TEDC1: variants seen among roughly 807,000 people sequenced by gnomAD.
TEDC1 encodes the protein tubulin epsilon and delta complex protein 1.
Under a neutral mutation model 59.9 loss-of-function variants are expected in TEDC1, and 54 were observed. That is an observed-to-expected ratio of 0.90 (90% CI 0.72 to 1.13). The LOEUF is 1.13. Among genes scored for constraint, TEDC1 ranks in the 50% most tolerant of loss-of-function variants. The pLI, the probability that TEDC1 is intolerant of heterozygous loss-of-function variation, is 0.00. For synonymous variants in TEDC1, 353 were observed against 298.1 expected, an observed-to-expected ratio of 1.18 and a Z score of -1.90; for missense variants, 734 against 683.4, an observed-to-expected ratio of 1.07 and a Z score of -0.83.
intron 5 of TEDC1, chr14:105,495,522 G>T: frequency 4.0e-6 from 1 of 247,924 alleles, no homozygotes; most frequent in East Asian, 9.7e-5. Context: ...CCTGACGCCT[G>T]CCTGGCCCCT....
At chr14:105,494,548 G>A (rs1555440138) in intron 5 of TEDC1, 1 of 154,488 alleles carries the variant, frequency 6.5e-6, no homozygotes, top group Non-Finnish European at 1.4e-5. Context: ...CCGGCGACCG[G>A]GGCTCTGTGG....
intron 5 of TEDC1, chr14:105,494,250 C>A (rs587682225): frequency 1.4e-5 from 6 of 422,266 alleles, no homozygotes; most frequent in South Asian, 1.4e-4. Context: ...ACACAGATCT[C>A]AGGTGTGAGC....
rs782293759 is a variant in TEDC1 at position 105,497,788 on chromosome 14, G to A, written c.979-10G>A. 13 of 1,534,026 alleles carry A rather than the reference G, an allele frequency of 8.5e-6. No individual in the cohort carries two copies. Among genetic ancestry groups the A allele is most frequent in the East Asian group, 2.4e-5 (1 of 42,280 alleles). On this transcript the variant is annotated splice_polypyrimidine_tract_variant and intron_variant, in intron 7 of 8. Transcript: ENST00000392523. ...GCTTGGTGCACGCTGTCTCACTTGG[G>A]TCTCTGTAGGACACGGTCCTGGGCA...
At chr14:105,493,647 G>A (rs961709274) in intron 4 of TEDC1, among the ~76,000 whole-genome samples, 188 bp from the exon 5 acceptor site, 11 of 152,114 alleles carry the variant, frequency 7.2e-5, no homozygotes, top group Non-Finnish European at 1.0e-4. Context: ...AGACCCCAGC[G>A]GTGCTGATGG....
At chr14:105,497,493 C>T (rs897553272) in intron 7 of TEDC1, 50 bp downstream of exon 7, 1 of 1,527,278 alleles carries the variant, frequency 6.5e-7, no homozygotes, top group Non-Finnish European at 8.8e-7. Context: ...CACAGCAGCC[C>T]CCAGGTGGGG....
intron 3 of TEDC1, 91 bp downstream of exon 3, chr14:105,492,400 C>T (rs1345502548): frequency 9.7e-6 from 15 of 1,546,830 alleles, no homozygotes; most frequent in Non-Finnish European, 1.3e-5. Context: ...CCTCTGTCTG[C>T]TTTGCTCCTC....
Position 105,493,834 on chromosome 14 carries a change from G to A in TEDC1, c.586-1G>A, listed in dbSNP as rs1555439966. 1 of 1,606,246 alleles carries A rather than the reference G, an allele frequency of 6.2e-7. No individual in the cohort carries two copies. Among genetic ancestry groups the A allele is most frequent in the Non-Finnish European group, 8.5e-7 (1 of 1,178,754 alleles). On this transcript the variant is annotated splice_acceptor_variant, in intron 4 of 8. Transcript: ENST00000392523. LOFTEE classifies it high-confidence loss of function. The stretch of plus-strand genomic sequence containing the variant: ...CCTGGGGTCTGCACTACCTGTTTTA[G>A]ATCCACCTGTACACACGCGGCTGCC...
At chr14:105,493,483 G>A (rs2084266414) in intron 4 of TEDC1, among the ~76,000 whole-genome samples, 1 of 152,176 alleles carries the variant, frequency 6.6e-6, no homozygotes, top group Admixed American at 6.5e-5. Context: ...TGTCCCCACT[G>A]TGAGCCTGGC....
At chr14:105,497,193 A>G (rs1236871153) in intron 6 of TEDC1, 164 bp from the exon 7 acceptor site, 3 of 722,740 alleles carry the variant, frequency 4.2e-6, no homozygotes, top group Non-Finnish European at 7.1e-6. Flanking sequence ...TGCCCTGCTC[A>G]TCGCTCTGGC....
chr14:105,491,358 G>A lies in TEDC1; in HGVS notation c.-18G>A. 6.9e-7 allele frequency: 1 copy of A among 1,459,410 alleles called. No individual in the cohort carries two copies. Among genetic ancestry groups the A allele is most frequent in the Admixed American group, 2.5e-5 (1 of 39,788 alleles). 90.4% of individuals were successfully genotyped at this position (1,459,410 alleles called of 1,614,324 possible). On this transcript the variant is annotated 5_prime_UTR_variant, in exon 1 of 9. Transcript: ENST00000392523. Reference sequence around the variant, plus strand: ...CGCGGCGGAGGCGGGCGATCCGAAAGAGGCTGGTGCTGGCTGCATGGGGAG... The same window carrying A: ...CGCGGCGGAGGCGGGCGATCCGAAAAAGGCTGGTGCTGGCTGCATGGGGAG...
intron 2 of TEDC1, among the ~76,000 whole-genome samples, 168 bp from the exon 3 acceptor site, chr14:105,491,939 G>A (rs1179838799): frequency 6.6e-6 from 1 of 152,232 alleles, no homozygotes; most frequent in Non-Finnish European, 1.5e-5. Flanking sequence ...CGTCCCTGTT[G>A]GCCCCTGGTC....
At chr14:105,497,622 GC>G (rs1393493333) in intron 7 of TEDC1, 175 bp from the exon 8 acceptor site, 1 of 1,099,342 alleles carries the variant, frequency 9.1e-7, no homozygotes, top group African/African-American at 1.6e-5. Context: ...TGCTGCCCCC[GC>G]CCTCAGCTCC....
Position 105,491,691 on chromosome 14 carries a change from C to G in TEDC1, c.217C>G (p.Leu73Val). Reference protein sequence around the residue: ...PLPAGNALASLALEVQARLVK... With the variant: ...PLPAGNALASVALEVQARLVK... ...CCCTGCGGGCAACGCCTTGGCATCG[C>G]TCGCCCTGGGTAAGCCCCGCTCCTG... The change falls in exon 2 of 9, where the codon CTC (leucine) becomes GTC (valine). Residue 73 changes from leucine to valine, a missense_variant. Physicochemically the swap from Leu to Val is conservative, Grantham distance 32 (BLOSUM62 1). Coordinates refer to ENST00000392523, the MANE Select transcript of TEDC1 (RefSeq NM_001367178.1). 6.5e-7 allele frequency: 1 copy of G among 1,548,924 alleles called. No individual in the cohort carries two copies. The highest frequency in any genetic ancestry group is 8.7e-7 in the Non-Finnish European group (1 of 1,146,856).
At chr14:105,492,465 C>T (rs1290385335) in intron 3 of TEDC1, 114 bp from the exon 4 acceptor site, 46 of 1,467,358 alleles carry the variant, frequency 3.1e-5, no homozygotes, top group Non-Finnish European at 3.9e-5. Flanking sequence ...CGGAGGCTCC[C>T]TGTGCAGGGA....
intron 6 of TEDC1, 62 bp downstream of exon 6, chr14:105,496,148 G>GT: frequency 1.3e-6 from 1 of 767,460 alleles, no homozygotes; most frequent in Non-Finnish European, 1.8e-6. Context: ...GTGGGAGGGG[G>GT]TGGCGAGGGG....
chr14:105,491,171 G>A (rs905995484), upstream of TEDC1: 6 of 1,550,140 alleles, frequency 3.9e-6, no homozygotes, highest in South Asian at 1.2e-5. Flanking sequence ...GTCTCGGCCA[G>A]CGCGGTGATT....
Position 105,493,841 on chromosome 14 carries a change from C to T in TEDC1, c.592C>T (p.Leu198=), listed in dbSNP as rs782292459. 2 of 1,607,122 alleles carry T rather than the reference C, an allele frequency of 1.2e-6. No individual in the cohort carries two copies. Among genetic ancestry groups the T allele is most frequent in the South Asian group, 1.1e-5 (1 of 90,766 alleles). Residue 198 remains leucine (L), a synonymous_variant, in exon 5 of 9, where the codon CTG becomes TTG. Transcript: ENST00000392523. ...TCTGCACTACCTGTTTTAGATCCAC[C>T]TGTACACACGCGGCTGCCACAGCGA... ...EQCALLSKIH[L]YTRGCHSDQS...
intron 1 of TEDC1, 49 bp downstream of exon 1, chr14:105,491,571 C>T (rs1555439298): frequency 6.5e-6 from 10 of 1,544,522 alleles, no homozygotes; most frequent in East Asian, 2.5e-5. Flanking sequence ...CCCGGGCCCT[C>T]GCAGGGAGTT....
In TEDC1 at chr14:105,498,936, C is replaced by G. The variant is rs1555441164; in HGVS notation, c.1478C>G (p.Pro493Arg). The change falls in exon 9 of 9, where the codon CCT becomes CGT. Residue 493 changes from proline (P) to arginine (R), a missense_variant. Physicochemically the swap from Pro to Arg is moderately radical, Grantham distance 103. Coordinates refer to ENST00000392523, the MANE Select transcript of TEDC1 (RefSeq NM_001367178.1). ...ARPGLIWIPP[P>R]GR ...CCTGGTCTCATCTGGATCCCGCCACCTGGACGCTGAGGGCCTGTCGACGGG... is the reference window on the plus strand; with the variant it reads ...CCTGGTCTCATCTGGATCCCGCCACGTGGACGCTGAGGGCCTGTCGACGGG... 6.2e-7 allele frequency: 1 copy of G among 1,603,588 alleles called. No homozygotes were observed. The highest frequency in any genetic ancestry group is 1.1e-5 in the South Asian group (1 of 89,726).
Sources: allele counts gnomAD v4.1 joint callset (sites outside exome capture counted in the v4.1 genomes callset), GRCh38; gene constraint gnomAD v4.1.1; transcripts MANE v1.5; gene names NCBI Gene and HGNC (gene_info 2026-07-23, HGNC 2026-07-21).